Variants in SELENOK observed in about 807,000 individuals in gnomAD.
SELENOK encodes selenoprotein K.
A neutral mutation model predicts 17.3 loss-of-function variants in SELENOK; 11 were observed. The ratio of observed to expected loss-of-function variants is 0.63; its 90% CI spans 0.40 to 1.05. The LOEUF (loss-of-function observed/expected upper bound fraction) is 1.05, where lower values mean the gene tolerates loss of function less well. Ranked by LOEUF, SELENOK falls within the 50% of genes least tolerant of loss-of-function variation. The pLI is 0.00. For missense variants in SELENOK, 125 were observed against 113.9 expected (o/e 1.10, Z -0.44); for synonymous variants, 45 against 35.4 (o/e 1.27, Z -0.97).
chr3:53,891,125 T>C (rs1700165522), intron 1 of SELENOK: 1 of 152,246 alleles, frequency 6.6e-6, no homozygotes, highest in Admixed American at 6.5e-5. Context: ...CATGTTTGAC[T>C]AGCTACCCTT....
chr3:53,887,073 C>G, intron 2 of SELENOK, 139 bp from the exon 3 acceptor site: 1 of 624,064 alleles, frequency 1.6e-6, no homozygotes, highest in Non-Finnish European at 2.8e-6. Flanking sequence ...TTGCAGCCAG[C>G]TGGACACCAC....
At chr3:53,888,568 T>G (rs535217934) in intron 1 of SELENOK, 85 bp from the exon 2 acceptor site, 10 of 920,068 alleles carry the variant, frequency 1.1e-5, no homozygotes, top group East Asian at 7.2e-5. Context: ...GAGGTAACAA[T>G]GATTGGGGTT....
rs981929826 is a variant in SELENOK at position 53,891,536 on chromosome 3, G to A, written c.19+234C>T. 2.0e-5 allele frequency among the ~76,000 whole-genome samples: 3 copies of A among 152,150 alleles called. No homozygotes were observed. In the South Asian group the frequency reaches 6.2e-4, roughly 32 times the overall value. ...TTGCTGCACGAAGGCGGGGTTGCAGGGCTCCCAGTACTCAACGTGAGGCCG... is the reference window on the plus strand; with the variant it reads ...TTGCTGCACGAAGGCGGGGTTGCAGAGCTCCCAGTACTCAACGTGAGGCCG... On this transcript the variant is annotated intron_variant, in intron 1 of 4. Transcript: ENST00000495461.
At position 53,884,537 on chromosome 3, in the gene SELENOK, T is replaced by C. The variant is rs2107086445; in HGVS notation, c.*1021A>G. On this transcript the variant is annotated 3_prime_UTR_variant, in exon 5 of 5. Transcript: ENST00000495461. ...ATTCCTAGTCTCAGAGCTTCCACTC[T>C]AGTGAAAGAATGTGAAAGTTATCAG... 6.6e-6 allele frequency: 1 copy of C among 152,366 alleles called. No homozygotes were observed. Among genetic ancestry groups the C allele is most frequent in the East Asian group, 1.9e-4 (1 of 5,190 alleles). 9.4% of individuals were successfully genotyped at this position (152,366 alleles called of 1,614,324 possible). A position where few individuals can be genotyped will look rare whatever the true frequency, so the allele number is the denominator to read the frequency against.
intron 4 of SELENOK, 93 bp from the exon 5 acceptor site, chr3:53,885,654 A>G: frequency 7.2e-7 from 1 of 1,389,424 alleles, no homozygotes. Flanking sequence ...ATCTTTCTCA[A>G]AAGACATTTT....
At chr3:53,891,362 G>C (rs890679852) in intron 1 of SELENOK, among the ~76,000 whole-genome samples, 1 of 152,198 alleles carries the variant, frequency 6.6e-6, no homozygotes, top group Non-Finnish European at 1.5e-5. Context: ...CGTAAAACAG[G>C]ATTGAATGTG....
At chr3:53,889,774 T>C (rs1700154581) in intron 1 of SELENOK, among the ~76,000 whole-genome samples, 1 of 152,262 alleles carries the variant, frequency 6.6e-6, no homozygotes, top group Non-Finnish European at 1.5e-5. Context: ...AAAATTCTTA[T>C]AAAGAGTGTG....
At position 53,886,926 on chromosome 3, in the gene SELENOK, GT is replaced by G; in HGVS notation, c.118del (p.Thr40LeufsTer7). The G allele has an allele frequency of 6.4e-7, 1 of 1,558,658 alleles. No homozygotes were observed. Among genetic ancestry groups the G allele is most frequent in the Non-Finnish European group, 8.7e-7 (1 of 1,150,524 alleles). ...TTTTTTCACATCTTGCTGAAGCAGA[GT>G]TTTGAAACTGAAACAAGGGGCAGAA... ...IAEFVVLFFK[T>X]LLQQDVKKRR... On this transcript the variant is annotated frameshift_variant, in exon 3 of 5. Transcript: ENST00000495461. LOFTEE classifies it high-confidence loss of function.
intron 1 of SELENOK, chr3:53,891,105 CA>C (rs1184445727): frequency 6.6e-6 from 1 of 152,258 alleles, no homozygotes; most frequent in South Asian, 2.1e-4. Context: ...GAAATTCGAG[CA>C]AAAAATTCCA....
intron 4 of SELENOK, 45 bp downstream of exon 4, chr3:53,885,780 GT>G (rs1559798619): frequency 6.8e-7 from 1 of 1,467,516 alleles, no homozygotes; most frequent in African/African-American, 1.4e-5. Flanking sequence ...CTACAGAAGT[GT>G]TTTCAAAACA....
In SELENOK at chr3:53,885,878, T is replaced by G; in HGVS notation, c.229A>C (p.Ile77Leu). 6.4e-7 allele frequency: 1 copy of G among 1,561,246 alleles called. No homozygotes were observed. The highest frequency in any genetic ancestry group is 8.6e-7 in the Non-Finnish European group (1 of 1,159,118). The change falls in exon 4 of 5, where the codon ATC becomes CTC. Residue 77 changes from isoleucine to leucine, a missense_variant. By Grantham distance (5) the Ile-to-Leu change is conservative. Coordinates refer to ENST00000495461, the MANE Select transcript of SELENOK (RefSeq NM_021237.5). ...PGNPPRRMGR[I>L]NHLRGPSPPP... ...GGACTAGGGCCACGCAGATGATTGA[T>G]TCTACCCATTCTTCGGGGAGGGTTT...
Position 53,891,759 on chromosome 3 carries a change from T to C in SELENOK, c.19+11A>G. On this transcript the variant is annotated intron_variant, in intron 1 of 4. Coordinates refer to ENST00000495461, the MANE Select transcript of SELENOK (RefSeq NM_021237.5). ...GTCACCGGTCGAAGCCACAGCCCGC[T>C]CTCAACTTACCGTTCGAGATGTAAA... The C allele has an allele frequency of 6.2e-7, 1 of 1,613,808 alleles. No individual in the cohort carries two copies. Among genetic ancestry groups the C allele is most frequent in the Non-Finnish European group, 8.5e-7 (1 of 1,179,714 alleles).
intron 2 of SELENOK, chr3:53,887,936 T>C (rs769262652): frequency 6.6e-6 from 1 of 152,368 alleles, no homozygotes; most frequent in Admixed American, 6.5e-5. Context: ...TAAATTTTTG[T>C]CTCCTTTACC....
intron 1 of SELENOK, among the ~76,000 whole-genome samples, chr3:53,891,517 C>T (rs970062525): frequency 2.0e-5 from 3 of 152,184 alleles, no homozygotes; most frequent in Non-Finnish European, 4.4e-5. Flanking sequence ...GCGCTTGCTG[C>T]ACGAAGGCGG....
At chr3:53,889,786 A>G (rs543154189) in intron 1 of SELENOK, among the ~76,000 whole-genome samples, 1 of 152,338 alleles carries the variant, frequency 6.6e-6, no homozygotes, top group East Asian at 1.9e-4. Flanking sequence ...AAGAGTGTGT[A>G]TGCTCTAAGT....
Position 53,884,560 on chromosome 3 carries a change from C to T in SELENOK, c.*998G>A, listed in dbSNP as rs935133766. On this transcript the variant is annotated 3_prime_UTR_variant, in exon 5 of 5. Transcript: ENST00000495461. Reference sequence around the variant, plus strand: ...TCTAGTGAAAGAATGTGAAAGTTATCAGTATTCAGATGGAGTTTAAAGCCA... The same window carrying T: ...TCTAGTGAAAGAATGTGAAAGTTATTAGTATTCAGATGGAGTTTAAAGCCA... 1.8e-4 allele frequency: 27 copies of T among 152,184 alleles called. No individual in the cohort carries two copies. The highest frequency in any genetic ancestry group is 6.5e-4 in the African/African-American group (27 of 41,438). The allele number at this position is 152,184 out of a possible 1,614,324, so 9.4% of individuals were successfully genotyped here. A position where few individuals can be genotyped will look rare whatever the true frequency, so the allele number is the denominator to read the frequency against.
At chr3:53,891,375 G>C (rs768462758) in intron 1 of SELENOK, among the ~76,000 whole-genome samples, 20 of 152,194 alleles carry the variant, frequency 1.3e-4, no homozygotes, top group African/African-American at 4.6e-4. Context: ...TGAATGTGAC[G>C]ATAAGCAAAT....
intron 1 of SELENOK, among the ~76,000 whole-genome samples, chr3:53,889,305 TCTA>T (rs536632104): frequency 1.9e-4 from 29 of 152,130 alleles, no homozygotes; most frequent in Non-Finnish European, 3.8e-4. Flanking sequence ...CAACCACCAT[TCTA>T]CTTTCTGTCC....
At position 53,888,429 on chromosome 3, in the gene SELENOK, T is replaced by C; in HGVS notation, c.74A>G (p.Asp25Gly). The C allele has an allele frequency of 3.7e-6, 6 of 1,612,684 alleles. No individual in the cohort carries two copies. Among genetic ancestry groups the C allele is most frequent in the Non-Finnish European group, 4.2e-6 (5 of 1,179,562 alleles). The change falls in exon 2 of 5, where the codon GAT becomes GGT. Residue 25 changes from aspartate to glycine, a missense_variant. Transcript: ENST00000495461. ...QSPWRLSLIT[D>G]FFWGIAEFVV... is the part of the protein sequence containing the mutation. ...AAACTCAGCTATTCCCCAGAAGAAATCTGTTATCAAAGATAATCTCCATGG... is the reference window on the plus strand; with the variant it reads ...AAACTCAGCTATTCCCCAGAAGAAACCTGTTATCAAAGATAATCTCCATGG...
Sources: gnomAD v4.1 joint callset for allele counts (sites outside exome capture counted in the v4.1 genomes callset) on GRCh38, gnomAD v4.1.1 for gene constraint, MANE v1.5 for transcripts, NCBI Gene and HGNC (gene_info 2026-07-23, HGNC 2026-07-21) for gene names.